PRR12: variants seen among roughly 807,000 people sequenced by gnomAD.
The protein encoded by PRR12 is proline rich 12.
A neutral mutation model predicts 138.0 loss-of-function variants in PRR12; 12 were observed. That is an observed-to-expected ratio of 0.09 (90% CI 0.06 to 0.14). The LOEUF is 0.14. PRR12 is among the 10% of genes least tolerant of loss of function. The pLI is 1.00. For synonymous variants in PRR12, 1,567 were observed against 1,291.7 expected (o/e 1.21, Z -4.57); for missense variants, 2,692 against 2,861.3 (o/e 0.94, Z 1.35).
chr19:49,600,721 GTC>G (rs938597432), intron 5 of PRR12, among the ~76,000 whole-genome samples: 3 of 151,284 alleles, frequency 2.0e-5, no homozygotes, highest in African/African-American at 7.3e-5. Flanking sequence ...TTGAGACAGG[GTC>G]TCTCTATGTC....
At position 49,599,494 on chromosome 19, in the gene PRR12, G is replaced by C; in HGVS notation, c.3901G>C (p.Ala1301Pro). 6.2e-7 allele frequency: 1 copy of C among 1,600,856 alleles called. No homozygotes were observed. Among genetic ancestry groups the C allele is most frequent in the Non-Finnish European group, 8.5e-7 (1 of 1,174,368 alleles). Residue 1301 changes from alanine to proline, a missense_variant, in exon 5 of 14, where the codon GCG (alanine) becomes CCG (proline). Physicochemically the swap from Ala to Pro is conservative, Grantham distance 27. This residue lies in a region of PRR12 where 326 missense variants were observed against 344.2 expected (regional missense o/e 0.95). Transcript: ENST00000418929. This position sits in a 1 kb window ranked among gnomAD's most constrained non-coding sequence, Gnocchi z 5.0. ...CAAGCGCCACCCACCACTCTACCAG[G>C]CGGGCCTGACGCCTCCGCTCAGCCC... Reference protein sequence around the residue: ...SGKRHPPLYQAGLTPPLSPPK... With the variant: ...SGKRHPPLYQPGLTPPLSPPK...
chr19:49,625,348 C>G lies in PRR12; in HGVS notation c.5965-113C>G. The G allele has an allele frequency of 7.0e-7, 1 of 1,430,474 alleles. No individual in the cohort carries two copies. 88.6% of individuals were successfully genotyped at this position (1,430,474 alleles called of 1,614,324 possible). A position where few individuals can be genotyped will look rare whatever the true frequency, so the allele number is the denominator to read the frequency against. On this transcript the variant is annotated intron_variant, in intron 13 of 13. Transcript: ENST00000418929. The surrounding 1 kb of genome is among the most constrained non-coding windows in gnomAD (Gnocchi z 5.5). ...TTGGACTTAAGAATGCAGCCCCCAG[C>G]CCTGGTCTCCCTGGGACACTGACAT... is the stretch of plus-strand genomic sequence containing the variant.
At chr19:49,610,005 G>A (rs929305822) in intron 6 of PRR12, among the ~76,000 whole-genome samples, 11 of 151,166 alleles carry the variant, frequency 7.3e-5, no homozygotes, top group South Asian at 2.1e-4. Context: ...ACGAAGTCTC[G>A]CTCTTGTCCC....
intron 5 of PRR12, 31 bp from the exon 6 acceptor site, chr19:49,601,460 C>T: frequency 7.8e-7 from 1 of 1,278,300 alleles, no homozygotes; most frequent in Non-Finnish European, 1.1e-6. Context: ...TGATGAATAA[C>T]ATCCAGGCCT....
chr19:49,598,379 A>G (rs1236884696), intron 4 of PRR12, among the ~76,000 whole-genome samples: 2 of 151,656 alleles, frequency 1.3e-5, no homozygotes, highest in East Asian at 3.9e-4. Flanking sequence ...CGGCCTCCCG[A>G]TGTTTTGAGT....
Position 49,595,941 on chromosome 19 carries a change from G to C in PRR12, c.1606G>C (p.Gly536Arg). ...CAGCCCCTCGCTCAGCTACAGTACC[G>C]GCCATTCCCCAGCGCTCTCGGGCCA... Reference protein sequence around the residue: ...TASPSLSYSTGHSPALSGHGG... With the variant: ...TASPSLSYSTRHSPALSGHGG... Residue 536 changes from glycine to arginine, a missense_variant, in exon 4 of 14, where the codon GGC (glycine) becomes CGC (arginine). Transcript: ENST00000418929. 5 of 1,601,402 alleles carry C rather than the reference G, an allele frequency of 3.1e-6. No homozygotes were observed. The highest frequency in any genetic ancestry group is 4.2e-6 in the Non-Finnish European group (5 of 1,179,656).
chr19:49,602,079 C>A (rs181921946), intron 6 of PRR12, among the ~76,000 whole-genome samples, 161 bp downstream of exon 6: 95 of 152,270 alleles, frequency 6.2e-4, no homozygotes, highest in African/African-American at 2.2e-3. Context: ...GTGTCGAGGA[C>A]CTGCGGGCCT....
Position 49,615,811 on chromosome 19 carries a change from C to G in PRR12, c.5089C>G (p.Pro1697Ala). Residue 1697 changes from proline (P) to alanine (A), a missense_variant, in exon 9 of 14, where the codon CCA (proline) becomes GCA (alanine). By Grantham distance (27) the Pro-to-Ala change is conservative. Around this residue, in one of 11 missense-constraint regions of PRR12, gnomAD observed 259 missense variants for 265.1 expected, o/e 0.98. Coordinates refer to ENST00000418929, the MANE Select transcript of PRR12 (RefSeq NM_020719.3). The stretch of plus-strand genomic sequence containing the variant: ...TAGCTCTGCACCTCCCCCTAAGGCC[C>G]CAGCACCACCTCCCAAGCCTGAGAC... ...GGSSAPPPKA[P>A]APPPKPETPE... 3 of 1,612,798 alleles carry G rather than the reference C, an allele frequency of 1.9e-6. No individual in the cohort carries two copies. The highest frequency in any genetic ancestry group is 2.5e-6 in the Non-Finnish European group (3 of 1,179,424).
chr19:49,610,073 C>T (rs2080858158), intron 6 of PRR12, among the ~76,000 whole-genome samples: 1 of 151,882 alleles, frequency 6.6e-6, no homozygotes, highest in African/African-American at 2.4e-5. Flanking sequence ...CTCCCAGGTT[C>T]AAGCGATTCT....
chr19:49,618,744 T>C (rs2080905243), intron 9 of PRR12, among the ~76,000 whole-genome samples: 1 of 151,830 alleles, frequency 6.6e-6, no homozygotes, highest in Non-Finnish European at 1.5e-5. Flanking sequence ...CCCAGCCCTG[T>C]CCGCCCCCAT....
Position 49,621,445 on chromosome 19 carries a change from A to G in PRR12, c.5624-80A>G. The G allele has an allele frequency of 6.3e-6, 7 of 1,116,098 alleles. No individual in the cohort carries two copies. The East Asian group carries it at 7.7e-5, about 12-fold the overall frequency. 69.1% of individuals were successfully genotyped at this position (1,116,098 alleles called of 1,614,324 possible). ...CTCTGAGTGGGAAGGGGATTTGGGG[A>G]CCCAGACTCCATGACCCCACCTTGG... On this transcript the variant is annotated intron_variant, in intron 10 of 13. Transcript: ENST00000418929.
rs2080889298 is a variant in PRR12 at position 49,615,810 on chromosome 19, C to T, written c.5088C>T (p.Ala1696=). 11 of 1,612,764 alleles carry T rather than the reference C, an allele frequency of 6.8e-6. No individual in the cohort carries two copies. The highest frequency in any genetic ancestry group is 8.5e-6 in the Non-Finnish European group (10 of 1,179,432). Residue 1696 remains alanine (A), a synonymous_variant, in exon 9 of 14, where the codon GCC becomes GCT. Transcript: ENST00000418929. ...AGGSSAPPPK[A]PAPPPKPETP... Reference sequence around the variant, plus strand: ...GTAGCTCTGCACCTCCCCCTAAGGCCCCAGCACCACCTCCCAAGCCTGAGA... The same window carrying T: ...GTAGCTCTGCACCTCCCCCTAAGGCTCCAGCACCACCTCCCAAGCCTGAGA...
Position 49,595,872 on chromosome 19 carries a change from C to G in PRR12, c.1537C>G (p.Pro513Ala). Residue 513 changes from proline (P) to alanine (A), a missense_variant, in exon 4 of 14, where the codon CCA becomes GCA. Physicochemically the swap from Pro to Ala is conservative, Grantham distance 27. Coordinates refer to ENST00000418929, the MANE Select transcript of PRR12 (RefSeq NM_020719.3). ...GCAGCTGTATGGGGTGCAGGGCGAG[C>G]CATACCCAGGGCCAGCCGCCCACTC... ...QGQLYGVQGE[P>A]YPGPAAHSQG... The G allele has an allele frequency of 6.2e-7, 1 of 1,603,436 alleles. No individual in the cohort carries two copies. Among genetic ancestry groups the G allele is most frequent in the Non-Finnish European group, 8.5e-7 (1 of 1,179,196 alleles).
At chr19:49,598,124 A>T in intron 4 of PRR12, 111 bp downstream of exon 4, 1 of 1,161,666 alleles carries the variant, frequency 8.6e-7, no homozygotes, top group South Asian at 4.2e-5. Context: ...TCCAGGCTGG[A>T]GTGCAGTGGC....
rs757642893 is a variant in PRR12 at position 49,597,626 on chromosome 19, G to A, written c.3291G>A (p.Gln1097=). 2 of 1,610,128 alleles carry A rather than the reference G, an allele frequency of 1.2e-6. No individual in the cohort carries two copies. ...PFQTPKKLYA[Q]EYEFEADEDK... Reference sequence around the variant, plus strand: ...AGACCCCCAAGAAGCTGTACGCCCAGGAGTACGAGTTCGAGGCGGACGAGG... The same window carrying A: ...AGACCCCCAAGAAGCTGTACGCCCAAGAGTACGAGTTCGAGGCGGACGAGG... The change falls in exon 4 of 14, where the codon CAG becomes CAA. Residue 1097 remains glutamine (Q), a synonymous_variant. Transcript: ENST00000418929. This position sits in a 1 kb window ranked among gnomAD's most constrained non-coding sequence, Gnocchi z 6.3.
chr19:49,623,029 G>A (rs1410379032), intron 11 of PRR12, among the ~76,000 whole-genome samples: 4 of 151,496 alleles, frequency 2.6e-5, no homozygotes, highest in Non-Finnish European at 4.4e-5. Context: ...AGAATGATGG[G>A]TGGGACGTTG....
Position 49,601,477 on chromosome 19 carries a change from C to A in PRR12, c.4346-14C>A. On this transcript the variant is annotated splice_polypyrimidine_tract_variant and intron_variant, in intron 5 of 13. Coordinates refer to ENST00000418929, the MANE Select transcript of PRR12 (RefSeq NM_020719.3). Reference sequence around the variant, plus strand: ...ATGAATAACATCCAGGCCTGATGTCCCTGTCTCCCCCAGAGCCCCCGCTGC... The same window carrying A: ...ATGAATAACATCCAGGCCTGATGTCACTGTCTCCCCCAGAGCCCCCGCTGC... The A allele has an allele frequency of 7.0e-7, 1 of 1,421,860 alleles. No homozygotes were observed. 88.1% of individuals were successfully genotyped at this position (1,421,860 alleles called of 1,614,324 possible). A position where few individuals can be genotyped will look rare whatever the true frequency, so the allele number is the denominator to read the frequency against.
intron 6 of PRR12, among the ~76,000 whole-genome samples, chr19:49,604,817 C>T (rs942935043): frequency 6.6e-6 from 1 of 152,090 alleles, no homozygotes; most frequent in Non-Finnish European, 1.5e-5. Flanking sequence ...GAAACTGAGG[C>T]TCACACAGGT....
intron 6 of PRR12, among the ~76,000 whole-genome samples, chr19:49,609,732 G>A (rs1005453132): frequency 3.9e-5 from 6 of 152,202 alleles, no homozygotes; most frequent in African/African-American, 1.4e-4. Flanking sequence ...AGGGATGCAA[G>A]GTGTTGAATG....
Sources: allele counts gnomAD v4.1 joint callset (sites outside exome capture counted in the v4.1 genomes callset), GRCh38; gene constraint gnomAD v4.1.1; regional missense constraint gnomAD v4.1.1; non-coding constraint Gnocchi (gnomAD v3.1); transcripts MANE v1.5; gene names NCBI Gene and HGNC (gene_info 2026-07-23, HGNC 2026-07-21).